The following EHBP1 variants were observed in gnomAD, a reference collection of about 807,000 sequenced individuals.
The protein encoded by EHBP1 is EH domain binding protein 1, also known as EH domain-binding protein 1.
EHBP1 carries 55 observed loss-of-function variants against 144.0 expected under a neutral mutation model. That is an observed-to-expected ratio of 0.38 (90% CI 0.31 to 0.48). The LOEUF (loss-of-function observed/expected upper bound fraction) is 0.48, where lower values mean the gene tolerates loss of function less well. EHBP1 is among the 20% of genes least tolerant of loss of function. The pLI is 0.98. For synonymous variants in EHBP1, 469 were observed against 472.7 expected, an observed-to-expected ratio of 0.99 and a Z score of 0.10; for missense variants, 1,200 against 1,364.2, an observed-to-expected ratio of 0.88 and a Z score of 1.90.
intron 10 of EHBP1, among the ~76,000 whole-genome samples, chr2:62,887,253 G>A (rs1031571395): frequency 6.6e-6 from 1 of 152,006 alleles, no homozygotes. Flanking sequence ...CATTTTTCTG[G>A]GCAGTTGTGT....
chr2:62,781,682 G>A (rs563849875), intron 5 of EHBP1, among the ~76,000 whole-genome samples: 65 of 152,226 alleles, frequency 4.3e-4, no homozygotes, highest in African/African-American at 1.3e-3. Flanking sequence ...ACAGCATGTC[G>A]TTCACTAGAT....
chr2:62,964,200 A>G (rs1574270572), intron 14 of EHBP1, among the ~76,000 whole-genome samples: 1 of 152,132 alleles, frequency 6.6e-6, no homozygotes, highest in Non-Finnish European at 1.5e-5. Flanking sequence ...GGAAAAAAAA[A>G]CCTCAAGCAT....
intron 2 of EHBP1, among the ~76,000 whole-genome samples, chr2:62,737,712 G>T (rs1374554190): frequency 6.6e-6 from 1 of 152,034 alleles, no homozygotes; most frequent in Non-Finnish European, 1.5e-5. Context: ...ATGTATGAGG[G>T]TTCCAGTTTC....
intron 10 of EHBP1, among the ~76,000 whole-genome samples, chr2:62,898,006 A>G (rs2053082187): frequency 6.6e-6 from 1 of 152,204 alleles, no homozygotes; most frequent in Admixed American, 6.5e-5. Flanking sequence ...CCCTGAGGCT[A>G]GAATGACTGA....
chr2:62,792,099 A>G (rs2152456452), intron 5 of EHBP1, among the ~76,000 whole-genome samples: 1 of 152,208 alleles, frequency 6.6e-6, no homozygotes, highest in South Asian at 2.1e-4. Flanking sequence ...TTGGATTAAT[A>G]TTGGTTTACA....
chr2:62,916,738 T>G lies in EHBP1; in HGVS notation c.1186-25980T>G, dbSNP rs544731359. On this transcript the variant is annotated intron_variant, in intron 10 of 22. Coordinates refer to ENST00000431489, the MANE Select transcript of EHBP1 (RefSeq NM_001142616.3). ...ATAATTTTATAATGTGTGTATTATA[T>G]ATCATCAAAATATATTTTATAATAT... is the stretch of plus-strand genomic sequence containing the variant. 1.1e-4 allele frequency among the ~76,000 whole-genome samples: 16 copies of G among 149,642 alleles called. No individual in the cohort carries two copies. In the East Asian group the frequency reaches 1.7e-3, roughly 16 times the overall value.
At chr2:62,796,792 T>C (rs1407012701) in intron 5 of EHBP1, among the ~76,000 whole-genome samples, 1 of 152,064 alleles carries the variant, frequency 6.6e-6, no homozygotes, top group Non-Finnish European at 1.5e-5. Flanking sequence ...AAGTTTAAAT[T>C]TTTATCTTAA....
In EHBP1 at chr2:62,948,868, G is replaced by T. The variant is rs1418738927; in HGVS notation, c.2022G>T (p.Met674Ile). ...DLYVSDKKKD[M>I]SPPFICEETD... ...ATGTTAGTGATAAGAAGAAGGATAT[G>T]TCTCCACCCTTTATTTGTGAGGAGA... The change falls in exon 13 of 23, where the codon ATG becomes ATT. Residue 674 changes from methionine (M) to isoleucine (I), a missense_variant. By Grantham distance (10) the Met-to-Ile change is conservative (BLOSUM62 1). Coordinates refer to ENST00000431489, the MANE Select transcript of EHBP1 (RefSeq NM_001142616.3). 8.7e-6 allele frequency: 14 copies of T among 1,613,938 alleles called. No individual in the cohort carries two copies. The highest frequency in any genetic ancestry group is 1.2e-5 in the Non-Finnish European group (14 of 1,179,984).
chr2:62,751,215 G>A (rs1252434982), intron 3 of EHBP1, among the ~76,000 whole-genome samples: 1 of 152,106 alleles, frequency 6.6e-6, no homozygotes, highest in Non-Finnish European at 1.5e-5. Flanking sequence ...TTTTGTCGAA[G>A]GCCTTTTCTG....
chr2:62,860,162 G>A (rs1558808004), intron 8 of EHBP1, among the ~76,000 whole-genome samples: 1 of 151,858 alleles, frequency 6.6e-6, no homozygotes. Context: ...TTTTGTTTGA[G>A]GGCTATATAT....
In EHBP1 at chr2:62,790,503, A is replaced by T. The variant is rs151307242; in HGVS notation, c.312+19111A>T. 7.7e-4 allele frequency among the ~76,000 whole-genome samples: 118 copies of T among 152,320 alleles called. 1 individual carries two copies. In the East Asian group the frequency reaches 0.02, roughly 25 times the overall value. On this transcript the variant is annotated intron_variant, in intron 5 of 22. Coordinates refer to ENST00000431489, the MANE Select transcript of EHBP1 (RefSeq NM_001142616.3). ...ACATTAAACATTTAGAGAACTGCAC[A>T]GCTTTACAGAAAATAGTGTTACTTT...
rs559979125 is a variant in EHBP1 at position 62,908,271 on chromosome 2, A to G, written c.1185+33739A>G. Reference sequence around the variant, plus strand: ...ATTTTCTTTTATTTAAATCTTGTTGATATCTGTAGAATCTGTAGTGATATT... The same window carrying G: ...ATTTTCTTTTATTTAAATCTTGTTGGTATCTGTAGAATCTGTAGTGATATT... On this transcript the variant is annotated intron_variant, in intron 10 of 22. Coordinates refer to ENST00000431489, the MANE Select transcript of EHBP1 (RefSeq NM_001142616.3). Among the ~76,000 whole-genome samples, 36 of 152,272 alleles carry G rather than the reference A, an allele frequency of 2.4e-4. No homozygotes were observed. In the South Asian group the frequency reaches 7.1e-3, roughly 30 times the overall value.
At chr2:62,851,075 A>T (rs1428195559) in intron 7 of EHBP1, among the ~76,000 whole-genome samples, 1 of 152,066 alleles carries the variant, frequency 6.6e-6, no homozygotes. Context: ...AAATCTTCTT[A>T]ATTTATTCTT....
intron 10 of EHBP1, among the ~76,000 whole-genome samples, chr2:62,902,932 G>A (rs1317733833): frequency 1.3e-5 from 2 of 152,080 alleles, no homozygotes; most frequent in Non-Finnish European, 2.9e-5. Context: ...CTTATCTTTA[G>A]TGTCTATTCC....
At chr2:62,911,126 A>G (rs1296285508) in intron 10 of EHBP1, among the ~76,000 whole-genome samples, 2 of 152,186 alleles carry the variant, frequency 1.3e-5, no homozygotes, top group African/African-American at 4.8e-5. Context: ...ACTTTGTACC[A>G]CAAAGTGAGT....
At chr2:62,963,700 T>C (rs906962359) in intron 14 of EHBP1, among the ~76,000 whole-genome samples, 2 of 152,232 alleles carry the variant, frequency 1.3e-5, no homozygotes, top group African/African-American at 4.8e-5. Context: ...ACATCAATTA[T>C]CACTTATTAA....
At chr2:62,696,708 G>T (rs901235335) in intron 1 of EHBP1, among the ~76,000 whole-genome samples, 2 of 150,902 alleles carry the variant, frequency 1.3e-5, no homozygotes, top group African/African-American at 4.9e-5. Context: ...TAGTAGAGAC[G>T]GGGTTTCACT....
At chr2:62,905,999 CGTT>C (rs901817023) in intron 10 of EHBP1, among the ~76,000 whole-genome samples, 7 of 148,942 alleles carry the variant, frequency 4.7e-5, no homozygotes, top group South Asian at 2.1e-4. Flanking sequence ...ATGCTTTTGA[CGTT>C]GTATATAAAA....
chr2:62,853,959 T>C (rs1418746507), intron 7 of EHBP1, among the ~76,000 whole-genome samples: 1 of 152,236 alleles, frequency 6.6e-6, no homozygotes, highest in Non-Finnish European at 1.5e-5. Flanking sequence ...TGTAAAAAGA[T>C]ATGCTGTCAT....
Sources: gnomAD v4.1 joint callset for allele counts (sites outside exome capture counted in the v4.1 genomes callset) on GRCh38, gnomAD v4.1.1 for gene constraint, MANE v1.5 for transcripts, NCBI Gene and HGNC (gene_info 2026-07-23, HGNC 2026-07-21) for gene names.